Variants in GRHL3 observed in about 807,000 individuals in gnomAD.
GRHL3 encodes grainyhead-like protein 3 homolog.
In GRHL3, 20 loss-of-function variants were observed where a neutral mutation model predicts 70.3. The observed-to-expected ratio is 0.28, with a 90% CI of 0.20 to 0.41. The LOEUF (loss-of-function observed/expected upper bound fraction) is 0.41. Among genes scored for constraint, GRHL3 ranks in the 10% least tolerant of loss-of-function variants. The pLI is 1.00. For missense variants in GRHL3, 637 were observed against 762.3 expected, an observed-to-expected ratio of 0.84 and a Z score of 1.94; for synonymous variants, 299 against 299.9, an observed-to-expected ratio of 1.00 and a Z score of 0.03.
intron 12 of GRHL3, among the ~76,000 whole-genome samples, chr1:24,345,507 GA>G (rs1445823118): frequency 6.6e-6 from 1 of 151,866 alleles, no homozygotes; most frequent in Non-Finnish European, 1.5e-5. Flanking sequence ...TGTTTTATGT[GA>G]AAAGTCGGCG....
At chr1:24,338,475 G>A (rs951700227) in intron 7 of GRHL3, among the ~76,000 whole-genome samples, 7 of 152,202 alleles carry the variant, frequency 4.6e-5, no homozygotes, top group African/African-American at 1.7e-4. Flanking sequence ...CTGGGCGGGG[G>A]AAAGGCTCCC....
chr1:24,337,962 G>C, intron 6 of GRHL3, 30 bp from the exon 7 acceptor site: 2 of 1,563,736 alleles, frequency 1.3e-6, no homozygotes, highest in South Asian at 1.2e-5. Flanking sequence ...GGAAGAGGCC[G>C]GGAGTGACTG....
At chr1:24,348,594 G>T (rs946874927) in intron 14 of GRHL3, among the ~76,000 whole-genome samples, 3 of 152,210 alleles carry the variant, frequency 2.0e-5, no homozygotes, top group African/African-American at 7.2e-5. Flanking sequence ...CCTCTCTCCA[G>T]CAGCGCTTCC....
At position 24,329,516 on chromosome 1, in the gene GRHL3, G is replaced by A. The variant is rs554287814; in HGVS notation, c.18-1910G>A. Among the ~76,000 whole-genome samples the A allele has an allele frequency of 2.6e-5, 4 of 152,338 alleles. No individual in the cohort carries two copies. The East Asian group carries it at 5.8e-4, about 22-fold the overall frequency. ...GTGGCAAGTGTGTGCCTTTGTGCTC[G>A]ATAAGGCTGAGTTGAAATCCTGGTT... On this transcript the variant is annotated intron_variant, in intron 1 of 15. Transcript: ENST00000361548.
Position 24,334,597 on chromosome 1 carries a change from C to G in GRHL3, c.205-48C>G. On this transcript the variant is annotated intron_variant, in intron 2 of 15. Coordinates refer to ENST00000361548, the MANE Select transcript of GRHL3 (RefSeq NM_198173.3). The surrounding 1 kb of genome is among the most constrained non-coding windows in gnomAD (Gnocchi z 4.3). ...CTGCAGGAGGGGATTGAGGCTCCTA[C>G]CAGCAGAAGCTTAGCCATGCATAAA... 1 of 1,515,882 alleles carries G rather than the reference C, an allele frequency of 6.6e-7. No individual in the cohort carries two copies. The highest frequency in any genetic ancestry group is 9.1e-7 in the Non-Finnish European group (1 of 1,095,910). 93.9% of individuals were successfully genotyped at this position (1,515,882 alleles called of 1,614,324 possible). A position where few individuals can be genotyped will look rare whatever the true frequency, so the allele number is the denominator to read the frequency against.
chr1:24,321,374 T>C lies in GRHL3; in HGVS notation c.17+1806T>C, dbSNP rs1327734374. Among the ~76,000 whole-genome samples the C allele has an allele frequency of 1.3e-5, 2 of 152,170 alleles. No individual in the cohort carries two copies. Among genetic ancestry groups the C allele is most frequent in the Non-Finnish European group, 2.9e-5 (2 of 68,022 alleles). On this transcript the variant is annotated intron_variant, in intron 1 of 15. Transcript: ENST00000361548. The surrounding 1 kb of genome is among the most constrained non-coding windows in gnomAD (Gnocchi z 4.0). ...GATTACAGTGGCAGAGCCTGGGGGC[T>C]CAGCTGCCCCTACTGGTAAGGGGAG...
At chr1:24,320,899 A>G (rs1177401031) in intron 1 of GRHL3, among the ~76,000 whole-genome samples, 1 of 152,240 alleles carries the variant, frequency 6.6e-6, no homozygotes, top group Non-Finnish European at 1.5e-5. Context: ...ATCTGTAAAT[A>G]GTGGCCAACA....
chr1:24,363,554 T>G (rs1641260045), intron 15 of GRHL3, among the ~76,000 whole-genome samples: 1 of 152,236 alleles, frequency 6.6e-6, no homozygotes, highest in African/African-American at 2.4e-5. Context: ...CTTAACCTCC[T>G]TAAGCCTCAA....
At chr1:24,358,202 C>A (rs1054497439), downstream of GRHL3, 2 of 538,578 alleles carry the variant, frequency 3.7e-6, no homozygotes, top group Admixed American at 4.4e-5. Context: ...TTGAAGTCTG[C>A]GCTTCAGGAG....
At chr1:24,350,300 G>C (rs1013857713) in intron 15 of GRHL3, among the ~76,000 whole-genome samples, 178 bp downstream of exon 15, 2 of 152,194 alleles carry the variant, frequency 1.3e-5, no homozygotes, top group African/African-American at 2.4e-5. Context: ...AACTGGGAAG[G>C]ATGGGAGTGG....
At chr1:24,337,262 G>C (rs558385908) in intron 5 of GRHL3, 111 bp downstream of exon 5, 14 of 716,080 alleles carry the variant, frequency 2.0e-5, no homozygotes, top group Non-Finnish European at 3.0e-5. Context: ...AATGAGAAGT[G>C]GGGGATGAAG....
At chr1:24,336,243 A>G (rs1639806090) in intron 3 of GRHL3, among the ~76,000 whole-genome samples, 1 of 151,626 alleles carries the variant, frequency 6.6e-6, no homozygotes, top group South Asian at 2.1e-4. Flanking sequence ...AAGTACTGTA[A>G]TGGATAAAAC....
At chr1:24,339,950 C>T (rs1639974644) in intron 8 of GRHL3, among the ~76,000 whole-genome samples, 188 bp downstream of exon 8, 2 of 152,218 alleles carry the variant, frequency 1.3e-5, no homozygotes, top group African/African-American at 4.8e-5. Flanking sequence ...GCATCCCACC[C>T]TTCCACCTAT....
chr1:24,330,780 A>C (rs990389681), intron 1 of GRHL3, among the ~76,000 whole-genome samples: 1 of 152,196 alleles, frequency 6.6e-6, no homozygotes, highest in East Asian at 1.9e-4. Flanking sequence ...CAAGCTTCTC[A>C]GCACCAGTAC....
At position 24,342,735 on chromosome 1, in the gene GRHL3, C is replaced by A. The variant is rs374698640; in HGVS notation, c.1248C>A (p.Phe416Leu). Residue 416 changes from phenylalanine to leucine, a missense_variant, in exon 10 of 16, where the codon TTC becomes TTA. This residue lies in a region of GRHL3 where 387 missense variants were observed against 513.8 expected (regional missense o/e 0.75). Transcript: ENST00000361548. The surrounding 1 kb of genome is among the most constrained non-coding windows in gnomAD (Gnocchi z 4.8). Reference sequence around the variant, plus strand: ...TGCGCGATGACGAGCGGAAGCAGTTCCGGAGGAAGGTCAAGTGCCCTGACT... The same window carrying A: ...TGCGCGATGACGAGCGGAAGCAGTTACGGAGGAAGGTCAAGTGCCCTGACT... ...RKMRDDERKQFRRKVKCPDSS... is the reference protein window; with the variant it reads ...RKMRDDERKQLRRKVKCPDSS... The A allele has an allele frequency of 1.2e-6, 2 of 1,614,196 alleles. No individual in the cohort carries two copies. Among genetic ancestry groups the A allele is most frequent in the Non-Finnish European group, 1.7e-6 (2 of 1,180,032 alleles).
downstream of GRHL3, chr1:24,356,913 T>C (rs1014786941): frequency 3.3e-5 from 5 of 152,222 alleles, no homozygotes; most frequent in Non-Finnish European, 7.3e-5. Context: ...TCTGTGGTCC[T>C]AATTCCCAAG....
At chr1:24,325,581 A>T (rs1161328085) in intron 1 of GRHL3, among the ~76,000 whole-genome samples, 1 of 152,176 alleles carries the variant, frequency 6.6e-6, no homozygotes, top group Non-Finnish European at 1.5e-5. Flanking sequence ...ACTTGTTGGG[A>T]TGAAACCCCA....
chr1:24,347,455 C>T lies in GRHL3; in HGVS notation c.1544-13C>T. On this transcript the variant is annotated splice_polypyrimidine_tract_variant and intron_variant, in intron 13 of 15. Coordinates refer to ENST00000361548, the MANE Select transcript of GRHL3 (RefSeq NM_198173.3). ...TTATCTTCCTTGCACTCAAGCTGGC[C>T]CTTGCTTTTCAGTTCTGCTGTATGT... 6.2e-7 allele frequency: 1 copy of T among 1,611,582 alleles called. No homozygotes were observed. Among genetic ancestry groups the T allele is most frequent in the Non-Finnish European group, 8.5e-7 (1 of 1,177,696 alleles).
At chr1:24,343,100 A>G in intron 11 of GRHL3, 75 bp downstream of exon 11, 1 of 1,571,340 alleles carries the variant, frequency 6.4e-7, no homozygotes, top group Non-Finnish European at 8.7e-7. Flanking sequence ...GCCTTAGCAC[A>G]GACCAGTGGG....
Sources: allele counts gnomAD v4.1 joint callset (sites outside exome capture counted in the v4.1 genomes callset), GRCh38; gene constraint gnomAD v4.1.1; regional missense constraint gnomAD v4.1.1; non-coding constraint Gnocchi (gnomAD v3.1); transcripts MANE v1.5; gene names NCBI Gene and HGNC (gene_info 2026-07-23, HGNC 2026-07-21).